Variants in SUN1 observed in about 807,000 individuals in gnomAD.
SUN1 encodes the protein Sad1 and UNC84 domain containing 1, also known as SUN domain-containing protein 1.
A neutral mutation model predicts 103.2 loss-of-function variants in SUN1; 61 were observed. The ratio of observed to expected loss-of-function variants is 0.59; its 90% CI spans 0.48 to 0.73. The LOEUF (loss-of-function observed/expected upper bound fraction) is 0.73. Among genes scored for constraint, SUN1 ranks in the 30% least tolerant of loss-of-function variants. The pLI, the probability that SUN1 is intolerant of heterozygous loss-of-function variation, is 0.00. For synonymous variants in SUN1, 490 were observed against 425.7 expected (o/e 1.15, Z -1.86); for missense variants, 1,052 against 1,034.6 (o/e 1.02, Z -0.23).
intron 14 of SUN1, among the ~76,000 whole-genome samples, chr7:860,600 C>T (rs899130841): frequency 6.6e-6 from 1 of 152,216 alleles, no homozygotes; most frequent in Non-Finnish European, 1.5e-5. Flanking sequence ...AGTGTCATTA[C>T]TGAGCTGCTT....
At chr7:849,453 CAG>C (rs1170428422) in intron 5 of SUN1, 1 of 1,188,334 alleles carries the variant, frequency 8.4e-7, no homozygotes, top group Non-Finnish European at 1.1e-6. Context: ...TTGACTTCAT[CAG>C]GGTGCGAGAA....
chr7:816,544 C>G (rs2128100314), upstream of SUN1: 1 of 371,128 alleles, frequency 2.7e-6, no homozygotes, highest in East Asian at 1.4e-4. Flanking sequence ...GTGGCGCGCT[C>G]GGGACTGGTG....
chr7:853,212 G>A (rs1344268981), intron 9 of SUN1, 197 bp from the exon 10 acceptor site: 1 of 755,526 alleles, frequency 1.3e-6, no homozygotes, highest in African/African-American at 1.8e-5. Flanking sequence ...AGAAAGTATA[G>A]AGAAGAAAAT....
At chr7:849,405 C>T in intron 5 of SUN1, 1 of 747,618 alleles carries the variant, frequency 1.3e-6, no homozygotes, top group East Asian at 5.4e-5. Flanking sequence ...TGTGGGAACT[C>T]TGTGGAAGTG....
intron 16 of SUN1, among the ~76,000 whole-genome samples, chr7:866,488 C>A (rs949698816): frequency 2.0e-5 from 3 of 150,700 alleles, no homozygotes; most frequent in African/African-American, 7.3e-5. Flanking sequence ...GGGCCTTCAC[C>A]CCCCCATCCC....
At chr7:863,737 G>T (rs1053585504) in intron 15 of SUN1, among the ~76,000 whole-genome samples, 3 of 152,132 alleles carry the variant, frequency 2.0e-5, no homozygotes, top group African/African-American at 7.2e-5. Flanking sequence ...CACCTGCTGG[G>T]TGACACCAGG....
intron 1 of SUN1, among the ~76,000 whole-genome samples, chr7:817,716 C>A (rs576046543): frequency 1.3e-5 from 2 of 152,324 alleles, no homozygotes; most frequent in Admixed American, 1.3e-4. Flanking sequence ...TGTGGAGAAA[C>A]ACCGTGTGTT....
At position 874,483 on chromosome 7, in the gene SUN1, T is replaced by C. The variant is rs1295275773; in HGVS notation, c.*1152T>C. 6.5e-6 allele frequency: 1 copy of C among 152,682 alleles called. No homozygotes were observed. Among genetic ancestry groups the C allele is most frequent in the Admixed American group, 6.5e-5 (1 of 15,284 alleles). 9.5% of individuals were successfully genotyped at this position (152,682 alleles called of 1,614,324 possible). ...TGTTGGGTTAAGACAGTTTTCAGTG[T>C]ACCGTAAATGTTGTGTTTTCAGAAA... On this transcript the variant is annotated 3_prime_UTR_variant, in exon 19 of 19. Coordinates refer to ENST00000401592, the MANE Select transcript of SUN1 (RefSeq NM_001130965.3).
intron 16 of SUN1, among the ~76,000 whole-genome samples, chr7:867,686 G>C (rs1274855613): frequency 6.6e-6 from 1 of 152,232 alleles, no homozygotes; most frequent in South Asian, 2.1e-4. Flanking sequence ...CTGAGAAACT[G>C]TCGGCTCCTG....
upstream of SUN1, chr7:815,766 C>G (rs1177070887): frequency 5.3e-6 from 1 of 188,902 alleles, no homozygotes. Flanking sequence ...GGAGACCTCG[C>G]GTGCAGACCC....
chr7:819,241 C>T (rs1468540121), intron 1 of SUN1, among the ~76,000 whole-genome samples: 1 of 148,398 alleles, frequency 6.7e-6, no homozygotes, highest in Non-Finnish European at 1.5e-5. Context: ...GTATACTAGA[C>T]CCTCATTAGA....
intron 15 of SUN1, among the ~76,000 whole-genome samples, chr7:864,566 A>AG (rs1436367228): frequency 6.6e-6 from 1 of 151,630 alleles, no homozygotes; most frequent in Non-Finnish European, 1.5e-5. Flanking sequence ...AAAAAAAAAA[A>AG]AAAAAAAGCA....
chr7:854,620 G>A (rs1301212413), intron 10 of SUN1, among the ~76,000 whole-genome samples: 3 of 152,250 alleles, frequency 2.0e-5, no homozygotes, highest in African/African-American at 7.2e-5. Flanking sequence ...GCTCAGGCCT[G>A]TGGTCCCAGC....
rs1238725842 is a variant in SUN1, at chr7:860,056, A to T, written c.1525-72A>T. The T allele has an allele frequency of 1.9e-6, 3 of 1,560,886 alleles. No individual in the cohort carries two copies. The East Asian group carries it at 6.8e-5, about 35-fold the overall frequency. On this transcript the variant is annotated intron_variant, in intron 13 of 18. Coordinates refer to ENST00000401592, the MANE Select transcript of SUN1 (RefSeq NM_001130965.3). ...ATATATAATTCTTCTGAGGTATCTA[A>T]GATAATGGACCCGAACAGTGGAAGT...
intron 11 of SUN1, among the ~76,000 whole-genome samples, chr7:855,743 G>C (rs932441260): frequency 1.3e-5 from 2 of 152,208 alleles, no homozygotes; most frequent in African/African-American, 4.8e-5. Flanking sequence ...AGGGTCTGCG[G>C]GGCGCCTCCT....
At chr7:865,522 C>A (rs745595997) in intron 15 of SUN1, among the ~76,000 whole-genome samples, 3 of 152,208 alleles carry the variant, frequency 2.0e-5, no homozygotes, top group Non-Finnish European at 4.4e-5. Flanking sequence ...ATGTGAGCTA[C>A]TGTAAACAAG....
In SUN1 at chr7:849,696, C is replaced by T. The variant is rs182878680; in HGVS notation, c.659-1688C>T. ...TACTAGCAGTAGAGAATGAACGGCC[C>T]GTGTGACATGGTGGTCCTCACTGAT... On this transcript the variant is annotated intron_variant, in intron 5 of 18. Coordinates refer to ENST00000401592, the MANE Select transcript of SUN1 (RefSeq NM_001130965.3). 9.1e-5 allele frequency: 125 copies of T among 1,367,394 alleles called. 1 individual carries two copies. In the East Asian group the frequency reaches 1.8e-3, roughly 20 times the overall value. The allele number at this position is 1,367,394 out of a possible 1,614,324, so 84.7% of individuals were successfully genotyped here.
At position 866,041 on chromosome 7, in the gene SUN1, T is replaced by A; in HGVS notation, c.1954T>A (p.Ser652Thr). 6.2e-7 allele frequency: 1 copy of A among 1,614,104 alleles called. No individual in the cohort carries two copies. Among genetic ancestry groups the A allele is most frequent in the Non-Finnish European group, 8.5e-7 (1 of 1,179,990 alleles). ...SLFGIPLWYF[S>T]QSPRVVIQPD... ...GTTTGGGATCCCGCTGTGGTACTTC[T>A]CGCAGTCCCCGCGCGTGGTCATCCA... is the stretch of plus-strand genomic sequence containing the variant. Residue 652 changes from serine to threonine, a missense_variant, in exon 16 of 19, where the codon TCG (serine) becomes ACG (threonine). Transcript: ENST00000401592.
At chr7:836,380 A>G (rs967240762) in intron 1 of SUN1, among the ~76,000 whole-genome samples, 1 of 152,202 alleles carries the variant, frequency 6.6e-6, no homozygotes, top group East Asian at 1.9e-4. Flanking sequence ...TAGATTGATT[A>G]TGCGGAATTG....
Sources: allele counts gnomAD v4.1 joint callset (sites outside exome capture counted in the v4.1 genomes callset), GRCh38; gene constraint gnomAD v4.1.1; transcripts MANE v1.5; gene names NCBI Gene and HGNC (gene_info 2026-07-23, HGNC 2026-07-21).